Variants in CDK13 observed in about 807,000 individuals in gnomAD.
CDK13 encodes the protein cyclin dependent kinase 13, also known as cyclin-dependent kinase 13.
Under a neutral mutation model 137.6 loss-of-function variants are expected in CDK13, and 40 were observed. That is an observed-to-expected ratio of 0.29 (90% CI 0.23 to 0.38). CDK13 has a LOEUF of 0.38. Ranked by LOEUF, CDK13 falls within the 10% of genes least tolerant of loss-of-function variation. The pLI is 1.00. For synonymous variants in CDK13, 869 were observed against 760.1 expected (o/e 1.14, Z -2.36); for missense variants, 1,704 against 1,951.8 (o/e 0.87, Z 2.39).
At chr7:40,004,479 A>T (rs1286577543) in intron 5 of CDK13, among the ~76,000 whole-genome samples, 1 of 152,236 alleles carries the variant, frequency 6.6e-6, no homozygotes, top group Non-Finnish European at 1.5e-5. Context: ...GAGGTTATAA[A>T]ATTTAAAACA....
chr7:40,025,987 G>A (rs1785234669), intron 5 of CDK13, among the ~76,000 whole-genome samples: 1 of 152,114 alleles, frequency 6.6e-6, no homozygotes, highest in Non-Finnish European at 1.5e-5. Flanking sequence ...GGACACTCAG[G>A]GTTAGTTCTT....
At chr7:40,037,621 TAGTG>T (rs1240039177) in intron 5 of CDK13, among the ~76,000 whole-genome samples, 1 of 152,240 alleles carries the variant, frequency 6.6e-6, no homozygotes, top group Non-Finnish European at 1.5e-5. Flanking sequence ...GGATGCCAGA[TAGTG>T]AGGATCATTT....
chr7:39,985,060 G>A (rs957613795), intron 1 of CDK13: 2 of 151,654 alleles, frequency 1.3e-5, no homozygotes, highest in African/African-American at 2.4e-5. Context: ...GCAAATAGTA[G>A]GTCACCTTCA....
At chr7:40,075,646 C>T (rs1200858133) in intron 9 of CDK13, among the ~76,000 whole-genome samples, 1 of 152,118 alleles carries the variant, frequency 6.6e-6, no homozygotes, top group Non-Finnish European at 1.5e-5. Flanking sequence ...TGACCGATGT[C>T]AGACAAGAGT....
chr7:40,045,349 A>G (rs1485713724), intron 5 of CDK13, among the ~76,000 whole-genome samples: 1 of 150,904 alleles, frequency 6.6e-6, no homozygotes, highest in Non-Finnish European at 1.5e-5. Context: ...GCTTTTAGGT[A>G]CTCTGGAGCT....
intron 1 of CDK13, among the ~76,000 whole-genome samples, chr7:39,980,448 TAAC>T (rs1232273330): frequency 6.6e-6 from 1 of 152,336 alleles, no homozygotes; most frequent in East Asian, 1.9e-4. Flanking sequence ...GCTGTTATAA[TAAC>T]GTTACATGAC....
chr7:39,974,830 C>T (rs767952091), intron 1 of CDK13, among the ~76,000 whole-genome samples: 1 of 152,194 alleles, frequency 6.6e-6, no homozygotes, highest in South Asian at 2.1e-4. Context: ...TCCCAAAGTA[C>T]TGGGATTACA....
intron 7 of CDK13, among the ~76,000 whole-genome samples, chr7:40,051,249 CCT>C (rs1279696453): frequency 6.7e-6 from 1 of 149,964 alleles, no homozygotes; most frequent in African/African-American, 2.5e-5. Context: ...TTTATATACT[CCT>C]TTAAAACTTC....
rs75727663 is a variant in CDK13 at position 40,085,545 on chromosome 7, C to A, written c.3030-2581C>A. ...ACTCCAGTTACCCCACTGTGCAGTA[C>A]TACAGTATATCTGAATTTAAGGTAT... is the stretch of plus-strand genomic sequence containing the variant. On this transcript the variant is annotated intron_variant, in intron 11 of 13. Coordinates refer to ENST00000181839, the MANE Select transcript of CDK13 (RefSeq NM_003718.5). Among the ~76,000 whole-genome samples, 1,265 of 152,214 alleles carry A rather than the reference C, an allele frequency of 8.3e-3. 17 individuals carry two copies. The highest frequency in any genetic ancestry group is 0.027 in the African/African-American group (1,131 of 41,536).
intron 5 of CDK13, among the ~76,000 whole-genome samples, chr7:40,042,666 AC>A (rs1171411728): frequency 4.5e-5 from 6 of 133,398 alleles, no homozygotes; most frequent in African/African-American, 2.3e-4. Flanking sequence ...TTTAGCAGAG[AC>A]GGGGTTTTAC....
Position 39,950,719 on chromosome 7 carries a change from C to T in CDK13, c.78C>T (p.Arg26=). The T allele has an allele frequency of 6.8e-7, 1 of 1,461,676 alleles. No individual in the cohort carries two copies. Among genetic ancestry groups the T allele is most frequent in the Non-Finnish European group, 9.0e-7 (1 of 1,113,530 alleles). The allele number at this position is 1,461,676 out of a possible 1,614,324, so 90.5% of individuals were successfully genotyped here. The change falls in exon 1 of 14, where the codon CGC becomes CGT. Residue 26 remains arginine (R), a synonymous_variant. Coordinates refer to ENST00000181839, the MANE Select transcript of CDK13 (RefSeq NM_003718.5). The part of the protein sequence containing the change: ...SWAEKKLEER[R]KRRRFLSPQQ... ...CGGAGAAGAAGTTGGAGGAACGCCG[C>T]AAGCGGAGGCGATTCCTGTCCCCTC...
At chr7:40,032,780 G>A (rs536577582) in intron 5 of CDK13, among the ~76,000 whole-genome samples, 10 of 151,790 alleles carry the variant, frequency 6.6e-5, no homozygotes, top group Non-Finnish European at 1.2e-4. Flanking sequence ...ATACCATACT[G>A]TATTAATTAC....
At position 40,099,018 on chromosome 7, in the gene CDK13, TA is replaced by T. The variant is rs1787095017; in HGVS notation, c.*4040del. 1 of 151,934 alleles carries T rather than the reference TA, an allele frequency of 6.6e-6. No individual in the cohort carries two copies. The allele number at this position is 151,934 out of a possible 1,614,324, so 9.4% of individuals were successfully genotyped here. On this transcript the variant is annotated 3_prime_UTR_variant, in exon 14 of 14. Transcript: ENST00000181839. Reference sequence around the variant, plus strand: ...TAGGCTTGCAAACATAATTTGCTTTTAAGTTCTTTCAAGGTTTTATGCAATA... The same window carrying T: ...TAGGCTTGCAAACATAATTTGCTTTTAGTTCTTTCAAGGTTTTATGCAATA...
At position 40,093,007 on chromosome 7, in the gene CDK13, C is replaced by T. The variant is rs933601432; in HGVS notation, c.3458C>T (p.Ser1153Leu). The T allele has an allele frequency of 7.4e-6, 12 of 1,614,152 alleles. No individual in the cohort carries two copies. The highest frequency in any genetic ancestry group is 2.2e-5 in the East Asian group (1 of 44,888). Residue 1153 changes from serine (S) to leucine (L), a missense_variant, in exon 13 of 14, where the codon TCG (serine) becomes TTG (leucine). By Grantham distance (145) the Ser-to-Leu change is moderately radical. Coordinates refer to ENST00000181839, the MANE Select transcript of CDK13 (RefSeq NM_003718.5). ...TDPSTPQQES[S>L]KPLGGIQPSS... ...CCATCAACACCACAACAGGAGTCTTCGAAACCGTTGGGAGGAATTCAGCCT... is the reference window on the plus strand; with the variant it reads ...CCATCAACACCACAACAGGAGTCTTTGAAACCGTTGGGAGGAATTCAGCCT...
chr7:39,975,692 T>C (rs1338756714), intron 1 of CDK13, among the ~76,000 whole-genome samples: 1 of 152,166 alleles, frequency 6.6e-6, no homozygotes, highest in Non-Finnish European at 1.5e-5. Flanking sequence ...AAATGATGCA[T>C]GCTTAGGCAC....
Position 39,951,797 on chromosome 7 carries a change from C to T in CDK13, c.1156C>T (p.Pro386Ser). ...YERGGDVSPS[P>S]YSSSSWRRSR... ...GCGGGGCGGCGACGTGTCCCCTAGT[C>T]CCTACAGCAGCAGCAGCTGGCGCCG... The change falls in exon 1 of 14, where the codon CCC (proline) becomes TCC (serine). Residue 386 changes from proline (P) to serine (S), a missense_variant. By Grantham distance (74) the Pro-to-Ser change is moderately conservative. Around this residue, in one of 5 missense-constraint regions of CDK13, gnomAD observed 1,051 missense variants for 931.0 expected, o/e 1.13. Coordinates refer to ENST00000181839, the MANE Select transcript of CDK13 (RefSeq NM_003718.5). 3.4e-6 allele frequency: 5 copies of T among 1,460,198 alleles called. No homozygotes were observed. Among genetic ancestry groups the T allele is most frequent in the Non-Finnish European group, 4.5e-6 (5 of 1,116,832 alleles). 90.5% of individuals were successfully genotyped at this position (1,460,198 alleles called of 1,614,324 possible). A position where few individuals can be genotyped will look rare whatever the true frequency, so the allele number is the denominator to read the frequency against.
intron 5 of CDK13, among the ~76,000 whole-genome samples, chr7:40,033,883 G>A (rs1283634368): frequency 6.6e-6 from 1 of 152,070 alleles, no homozygotes; most frequent in African/African-American, 2.4e-5. Flanking sequence ...AGAGGATGCT[G>A]GTATTGGGTA....
chr7:40,006,982 T>G (rs1784807552), intron 5 of CDK13, among the ~76,000 whole-genome samples: 1 of 152,164 alleles, frequency 6.6e-6, no homozygotes, highest in Non-Finnish European at 1.5e-5. Context: ...GTACTAACTC[T>G]GCATAGTAAC....
intron 5 of CDK13, among the ~76,000 whole-genome samples, chr7:40,027,167 A>C (rs1785260927): frequency 6.6e-6 from 1 of 152,128 alleles, no homozygotes; most frequent in Non-Finnish European, 1.5e-5. Flanking sequence ...ACCATGGTGA[A>C]ACCCCGTCTC....
Sources: gnomAD v4.1 joint callset for allele counts (sites outside exome capture counted in the v4.1 genomes callset) on GRCh38, gnomAD v4.1.1 for gene constraint, gnomAD v4.1.1 regional missense constraint, MANE v1.5 for transcripts, NCBI Gene and HGNC (gene_info 2026-07-23, HGNC 2026-07-21) for gene names.